Variants in MAOB observed in about 807,000 individuals in gnomAD.
MAOB encodes amine oxidase [flavin-containing] B.
Under a neutral mutation model 41.9 loss-of-function variants are expected in MAOB, and 15 were observed. The observed-to-expected ratio is 0.36, with a 90% CI of 0.24 to 0.55. The LOEUF (loss-of-function observed/expected upper bound fraction) is 0.55, where lower values mean the gene tolerates loss of function less well. MAOB is among the 20% of genes least tolerant of loss of function. The pLI is 0.86. For missense variants in MAOB, 345 were observed against 398.7 expected, an observed-to-expected ratio of 0.87 and a Z score of 1.15; for synonymous variants, 167 against 144.2, an observed-to-expected ratio of 1.16 and a Z score of -1.13.
chrX:43,809,532 G>A (rs1333685232), intron 3 of MAOB, among the ~76,000 whole-genome samples: 2 of 112,337 alleles, frequency 1.8e-5, no homozygotes, highest in Non-Finnish European at 3.8e-5. Flanking sequence ...GAAAACTTCT[G>A]ATAAACACAG....
intron 3 of MAOB, among the ~76,000 whole-genome samples, chrX:43,814,779 A>G (rs2034788512): frequency 8.9e-6 from 1 of 112,366 alleles, no homozygotes; most frequent in Non-Finnish European, 1.9e-5. Context: ...TAGATAGATG[A>G]CTGGATAAAC....
intron 3 of MAOB, among the ~76,000 whole-genome samples, chrX:43,830,994 A>AGTGTGTGTGT (rs56322068): frequency 1.0e-5 from 1 of 95,782 alleles, no homozygotes; most frequent in African/African-American, 3.7e-5. Flanking sequence ...TCAATGATTA[A>AGTGTGTGTGT]GTGTGTGTGT....
chrX:43,811,659 T>C (rs1295590942), intron 3 of MAOB, among the ~76,000 whole-genome samples: 1 of 112,136 alleles, frequency 8.9e-6, no homozygotes, highest in Admixed American at 9.4e-5. Context: ...GCCTATTTCA[T>C]GACCCTTGTT....
At chrX:43,775,781 C>T (rs1301824139) in intron 11 of MAOB, among the ~76,000 whole-genome samples, 3 of 111,640 alleles carry the variant, frequency 2.7e-5, no homozygotes, top group Non-Finnish European at 5.6e-5. Flanking sequence ...TATTTGTAAA[C>T]AACTATTGGT....
At chrX:43,871,134 C>A (rs1185189076) in intron 1 of MAOB, among the ~76,000 whole-genome samples, 1 of 111,415 alleles carries the variant, frequency 9.0e-6, no homozygotes, top group Admixed American at 9.6e-5. Context: ...GCTAATGTGG[C>A]CTTTCAGAGT....
chrX:43,834,439 C>T (rs758708274), intron 3 of MAOB, among the ~76,000 whole-genome samples: 3 of 112,110 alleles, frequency 2.7e-5, no homozygotes, highest in African/African-American at 9.7e-5. Context: ...TTTCCATTTG[C>T]TAAATGCAAT....
At chrX:43,779,220 G>A (rs2034298945) in intron 10 of MAOB, among the ~76,000 whole-genome samples, 1 of 111,822 alleles carries the variant, frequency 8.9e-6, no homozygotes, top group South Asian at 3.7e-4. Context: ...AATATATAAG[G>A]AAATTTAGAA....
Position 43,766,838 on chromosome X carries a change from A to G in MAOB, c.*628T>C, listed in dbSNP as rs3027438. 0.028 allele frequency: 3,094 copies of G among 111,887 alleles called. 101 individuals carry two copies. Among genetic ancestry groups the G allele is most frequent in the South Asian group, 0.18 (473 of 2,650 alleles). The allele number at this position is 111,887 out of a possible 1,213,427, so 9.2% of individuals were successfully genotyped here. On this transcript the variant is annotated 3_prime_UTR_variant, in exon 15 of 15. Coordinates refer to ENST00000378069, the MANE Select transcript of MAOB (RefSeq NM_000898.5). ...GAGTAAACCCACACAACGGGACACC[A>G]TCGGTAACTATGACAGGGAGTGAAG...
chrX:43,849,955 G>A (rs190800885), intron 1 of MAOB, among the ~76,000 whole-genome samples: 37 of 112,397 alleles, frequency 3.3e-4, no homozygotes, highest in African/African-American at 1.1e-3. Flanking sequence ...CTTTTTCAAA[G>A]GGAAAGAAAG....
chrX:43,866,217 G>A (rs1483504432), intron 1 of MAOB, among the ~76,000 whole-genome samples: 1 of 111,372 alleles, frequency 9.0e-6, no homozygotes, highest in Non-Finnish European at 1.9e-5. Context: ...ACGTGTGAAA[G>A]GAAATACACC....
At chrX:43,840,934 C>T (rs1281533617) in intron 2 of MAOB, among the ~76,000 whole-genome samples, 1 of 99,194 alleles carries the variant, frequency 1.0e-5, no homozygotes, top group Non-Finnish European at 2.0e-5. Context: ...GTGCCTGGAA[C>T]ACCAGTGGGA....
At chrX:43,773,131 C>T (rs1413892826) in intron 12 of MAOB, among the ~76,000 whole-genome samples, 2 of 112,298 alleles carry the variant, frequency 1.8e-5, no homozygotes, top group South Asian at 3.7e-4. Context: ...TTCCTCATGC[C>T]ATTCCATCTG....
In MAOB at chrX:43,779,072, A is replaced by T. The variant is rs758706977; in HGVS notation, c.1080-333T>A. On this transcript the variant is annotated intron_variant, in intron 10 of 14. Coordinates refer to ENST00000378069, the MANE Select transcript of MAOB (RefSeq NM_000898.5). ...GTTTCTGAAACAAATGTTTATGAAA[A>T]TGCCTAAGTTCTTCTCCCTCCCTCT... Among the ~76,000 whole-genome samples the T allele has an allele frequency of 4.5e-5, 5 of 111,714 alleles. No homozygotes were observed. The South Asian group carries it at 1.1e-3, about 25-fold the overall frequency.
chrX:43,882,184 C>T, intron 1 of MAOB, 70 bp downstream of exon 1: 1 of 1,184,680 alleles, frequency 8.4e-7, no homozygotes, highest in African/African-American at 1.7e-5. Flanking sequence ...CGGCCGCCCC[C>T]CGCGTCTCCC....
intron 1 of MAOB, chrX:43,843,967 T>C: frequency 2.1e-6 from 2 of 970,285 alleles, no homozygotes; most frequent in Middle Eastern, 4.2e-4. Flanking sequence ...CATTTTTTAG[T>C]AAATTTCTCA....
In MAOB at chrX:43,767,249, T is replaced by C. The variant is rs17462; in HGVS notation, c.*217A>G. 0.024 allele frequency: 8,565 copies of C among 352,407 alleles called. 585 individuals are homozygous for C. The highest frequency in any genetic ancestry group is 0.2 in the African/African-American group (7,627 of 38,087). 29.0% of individuals were successfully genotyped at this position (352,407 alleles called of 1,213,427 possible). The stretch of plus-strand genomic sequence containing the variant: ...TTTTGAGGGCAATAAACTTGGAAAC[T>C]GGTGAAACAGAACGCTAAGCCAGGT... On this transcript the variant is annotated 3_prime_UTR_variant, in exon 15 of 15. Transcript: ENST00000378069.
chrX:43,865,173 TAAAC>T (rs1187461340), intron 1 of MAOB, among the ~76,000 whole-genome samples: 2 of 112,166 alleles, frequency 1.8e-5, no homozygotes, highest in Non-Finnish European at 3.8e-5. Flanking sequence ...AATTAAAAGA[TAAAC>T]AAATTATGGC....
At chrX:43,868,698 T>C (rs1483538678) in intron 1 of MAOB, among the ~76,000 whole-genome samples, 1 of 111,807 alleles carries the variant, frequency 8.9e-6, no homozygotes, top group Non-Finnish European at 1.9e-5. Context: ...GACAGAGACT[T>C]GGAAAGCAAA....
At chrX:43,795,266 T>C (rs2034512963) in intron 7 of MAOB, among the ~76,000 whole-genome samples, 1 of 111,672 alleles carries the variant, frequency 9.0e-6, no homozygotes, top group African/African-American at 3.3e-5. Context: ...GAAACATGTT[T>C]ACTGTTTTAT....
Sources: gnomAD v4.1 joint callset for allele counts (sites outside exome capture counted in the v4.1 genomes callset) on GRCh38, gnomAD v4.1.1 for gene constraint, MANE v1.5 for transcripts, NCBI Gene and HGNC (gene_info 2026-07-23, HGNC 2026-07-21) for gene names.